Variants in CD5 observed in about 807,000 individuals in gnomAD.
The protein encoded by CD5 is CD5 molecule.
Under a neutral mutation model 60.3 loss-of-function variants are expected in CD5, and 36 were observed. The ratio of observed to expected loss-of-function variants is 0.60; its 90% CI spans 0.46 to 0.79. The LOEUF (loss-of-function observed/expected upper bound fraction) is 0.79. Ranked by LOEUF, CD5 falls within the 30% of genes least tolerant of loss-of-function variation. CD5 has a pLI of 0.00. For missense variants in CD5, 540 were observed against 630.6 expected (o/e 0.86, Z 1.54); for synonymous variants, 230 against 257.6 (o/e 0.89, Z 1.03).
chr11:61,123,822 T>G (rs972487467), intron 7 of CD5, 62 bp from the exon 8 acceptor site: 3 of 221,188 alleles, frequency 1.4e-5, no homozygotes, highest in Non-Finnish European at 1.6e-5. Context: ...TCCCCACCCC[T>G]GCCTGCCCCC....
At chr11:61,125,711 G>A in intron 9 of CD5, 40 bp from the exon 10 acceptor site, 3 of 1,491,464 alleles carry the variant, frequency 2.0e-6, no homozygotes, top group Non-Finnish European at 2.8e-6. Flanking sequence ...GCTCTGTGGA[G>A]TCAAAAACCC....
At chr11:61,100,024 TCACA>T (rs1274851677), upstream of CD5, among the ~76,000 whole-genome samples, 1 of 130,852 alleles carries the variant, frequency 7.6e-6, no homozygotes, top group African/African-American at 3.1e-5. Flanking sequence ...AACATGGAGA[TCACA>T]CACACACGAC....
chr11:61,126,566 C>G lies in CD5; in HGVS notation c.*281C>G, dbSNP rs1378134924. 1.3e-5 allele frequency: 2 copies of G among 152,274 alleles called. No homozygotes were observed. Among genetic ancestry groups the G allele is most frequent in the Non-Finnish European group, 2.9e-5 (2 of 68,082 alleles). 9.4% of individuals were successfully genotyped at this position (152,274 alleles called of 1,614,324 possible). On this transcript the variant is annotated 3_prime_UTR_variant, in exon 11 of 11. Coordinates refer to ENST00000347785, the MANE Select transcript of CD5 (RefSeq NM_014207.4). ...GACTCGGGGGTGTCTGAAGGGGGCC[C>G]CCTTTCCCTGCCCGCTGGGGAGCGG...
intron 5 of CD5, among the ~76,000 whole-genome samples, chr11:61,119,993 C>T (rs1012963059): frequency 1.3e-5 from 2 of 152,112 alleles, no homozygotes; most frequent in Non-Finnish European, 2.9e-5. Context: ...CAAGAGTTGG[C>T]ATTGCAGCAA....
At chr11:61,100,946 TA>T, upstream of CD5, among the ~76,000 whole-genome samples, 1 of 59,966 alleles carries the variant, frequency 1.7e-5, no homozygotes, top group Admixed American at 1.9e-4. Flanking sequence ...ACATGGAGAT[TA>T]CACACACATC....
chr11:61,113,774 T>C (rs1455347065), intron 1 of CD5, among the ~76,000 whole-genome samples: 1 of 152,190 alleles, frequency 6.6e-6, no homozygotes, highest in Non-Finnish European at 1.5e-5. Context: ...GTTCAAGCAA[T>C]TCTCCTGCCT....
At chr11:61,112,453 G>T (rs1025667616) in intron 1 of CD5, among the ~76,000 whole-genome samples, 3 of 152,084 alleles carry the variant, frequency 2.0e-5, no homozygotes, top group African/African-American at 7.2e-5. Context: ...AGACCAGCCT[G>T]GCCAACATGG....
chr11:61,099,336 G>T (rs557240887), upstream of CD5, among the ~76,000 whole-genome samples: 33 of 124,454 alleles, frequency 2.7e-4, no homozygotes, highest in Non-Finnish European at 4.2e-4. Flanking sequence ...ACAACACAGA[G>T]ATCACACAAG....
intron 7 of CD5, 132 bp downstream of exon 7, chr11:61,123,164 C>A: frequency 2.8e-6 from 3 of 1,061,500 alleles, no homozygotes; most frequent in South Asian, 1.9e-5. Context: ...CACCACCCAG[C>A]CTTCCCCTCT....
upstream of CD5, among the ~76,000 whole-genome samples, chr11:61,101,673 A>C (rs1472740109): frequency 6.6e-6 from 1 of 151,464 alleles, no homozygotes; most frequent in East Asian, 1.9e-4. Context: ...CACACACATC[A>C]ACATGGCGAT....
At position 61,106,341 on chromosome 11, in the gene CD5, A is replaced by G. The variant is rs377730424; in HGVS notation, c.55+3726A>G. Among the ~76,000 whole-genome samples the G allele has an allele frequency of 5.9e-5, 9 of 152,182 alleles. No individual in the cohort carries two copies. The East Asian group carries it at 1.5e-3, about 26-fold the overall frequency. ...GAGGGACGGAGCCAGCCAGGCAGAG[A>G]AAAAAGGGAAGAGGGTCCCAGGCAG... On this transcript the variant is annotated intron_variant, in intron 1 of 10. Transcript: ENST00000347785.
chr11:61,104,998 C>G (rs1360445232), intron 1 of CD5, among the ~76,000 whole-genome samples: 1 of 152,212 alleles, frequency 6.6e-6, no homozygotes, highest in African/African-American at 2.4e-5. Context: ...CTGGGGACAC[C>G]AAGGGCCAGG....
chr11:61,097,997 ATT>A (rs551425469), upstream of CD5, among the ~76,000 whole-genome samples: 29 of 152,186 alleles, frequency 1.9e-4, no homozygotes, highest in Non-Finnish European at 4.0e-4. Context: ...TCTATGGGAA[ATT>A]TAACCTTACT....
In CD5 at chr11:61,125,745, C is replaced by A; in HGVS notation, c.1400-6C>A. On this transcript the variant is annotated splice_polypyrimidine_tract_variant and splice_region_variant and intron_variant, in intron 9 of 10. Coordinates refer to ENST00000347785, the MANE Select transcript of CD5 (RefSeq NM_014207.4). ...CCTCTGCAAACAGCGTCCTTTCTTT[C>A]CCCAGCTCTGGAAGGGGCTCTGCAT... is the stretch of plus-strand genomic sequence containing the variant. 1 of 1,604,962 alleles carries A rather than the reference C, an allele frequency of 6.2e-7. No homozygotes were observed. The highest frequency in any genetic ancestry group is 2.2e-5 in the East Asian group (1 of 44,650).
Position 61,118,993 on chromosome 11 carries a change from AC to A in CD5, c.463+22del. The stretch of plus-strand genomic sequence containing the variant: ...GAGCCCACAGGTAAGAGGATTCTGA[AC>A]CCCCCACAGGGAGTCAGAGCTAGCA... On this transcript the variant is annotated intron_variant, in intron 4 of 10. Transcript: ENST00000347785. The surrounding 1 kb of genome is among the most constrained non-coding windows in gnomAD (Gnocchi z 4.7). The A allele has an allele frequency of 6.2e-7, 1 of 1,603,004 alleles. No individual in the cohort carries two copies. The highest frequency in any genetic ancestry group is 8.5e-7 in the Non-Finnish European group (1 of 1,171,858).
Position 61,122,891 on chromosome 11 carries a change from C to G in CD5, c.1100-16C>G. The G allele has an allele frequency of 6.2e-7, 1 of 1,607,264 alleles. No homozygotes were observed. Among genetic ancestry groups the G allele is most frequent in the African/African-American group, 1.3e-5 (1 of 74,930 alleles). The stretch of plus-strand genomic sequence containing the variant: ...CCCCAGGACTGGGACTGACCTAACT[C>G]TTCCTCCTTCCCCAGGCCAGGATCC... On this transcript the variant is annotated splice_polypyrimidine_tract_variant and intron_variant, in intron 6 of 10. Transcript: ENST00000347785.
At chr11:61,119,971 AT>A (rs938156352) in intron 5 of CD5, among the ~76,000 whole-genome samples, 2 of 152,174 alleles carry the variant, frequency 1.3e-5, no homozygotes, top group Non-Finnish European at 2.9e-5. Flanking sequence ...CAGGAAGGGC[AT>A]TTGTAAATCC....
upstream of CD5, among the ~76,000 whole-genome samples, chr11:61,099,242 T>C (rs367914405): frequency 1.0e-3 from 158 of 151,288 alleles, 1 homozygote; most frequent in African/African-American, 3.5e-3. Context: ...CACATCAACA[T>C]GGAAATCACA....
chr11:61,094,034 T>C, the CD5 span, among the ~76,000 whole-genome samples: 1 of 152,118 alleles, frequency 6.6e-6, no homozygotes, highest in Non-Finnish European at 1.5e-5. Context: ...GTTTTGTCTG[T>C]GGCTTGTCCT....
Sources: gnomAD v4.1 joint callset for allele counts (sites outside exome capture counted in the v4.1 genomes callset) on GRCh38, gnomAD v4.1.1 for gene constraint, Gnocchi (gnomAD v3.1) non-coding constraint, MANE v1.5 for transcripts, NCBI Gene and HGNC (gene_info 2026-07-23, HGNC 2026-07-21) for gene names.